GRM1: variants seen among roughly 807,000 people sequenced by gnomAD.
GRM1 encodes metabotropic glutamate receptor 1.
GRM1 carries 33 observed loss-of-function variants against 90.9 expected under a neutral mutation model. The ratio of observed to expected loss-of-function variants is 0.36; its 90% CI spans 0.28 to 0.49. GRM1 has a LOEUF of 0.49. Ranked by LOEUF, GRM1 falls within the 20% of genes least tolerant of loss-of-function variation. The pLI is 0.99. For synonymous variants in GRM1, 700 were observed against 613.2 expected, an observed-to-expected ratio of 1.14 and a Z score of -2.09; for missense variants, 1,190 against 1,534.3, an observed-to-expected ratio of 0.78 and a Z score of 3.75.
At position 146,343,539 on chromosome 6, in the gene GRM1, A is replaced by C. The variant is rs150284195; in HGVS notation, c.1187-8711A>C. Among the ~76,000 whole-genome samples the C allele has an allele frequency of 1.1e-3, 167 of 152,070 alleles. 1 individual carries two copies. In the East Asian group the frequency reaches 0.03, roughly 28 times the overall value. ...TTTATACCCTGGATTATAATCCACT[A>C]TCATCCTTTTTATTTTGTTACTCAA... On this transcript the variant is annotated intron_variant, in intron 3 of 7. Transcript: ENST00000282753.
At chr6:146,362,230 G>C (rs894978127) in intron 5 of GRM1, among the ~76,000 whole-genome samples, 1 of 152,144 alleles carries the variant, frequency 6.6e-6, no homozygotes, top group Non-Finnish European at 1.5e-5. Flanking sequence ...CAGAATTCTG[G>C]AGATATTAGG....
intron 2 of GRM1, among the ~76,000 whole-genome samples, chr6:146,167,958 C>T (rs1777969982): frequency 6.6e-6 from 1 of 151,954 alleles, no homozygotes; most frequent in Non-Finnish European, 1.5e-5. Flanking sequence ...ATTTTACCTC[C>T]TCCAAGGTCA....
chr6:146,253,121 C>T (rs1489059386), intron 2 of GRM1, among the ~76,000 whole-genome samples: 2 of 151,962 alleles, frequency 1.3e-5, no homozygotes, highest in African/African-American at 4.8e-5. Context: ...TTATTTAAAT[C>T]GTGGAAAGTG....
intron 2 of GRM1, among the ~76,000 whole-genome samples, chr6:146,166,139 T>G (rs1039737088): frequency 1.3e-5 from 2 of 152,156 alleles, no homozygotes; most frequent in Admixed American, 1.3e-4. Context: ...CTTAACATGT[T>G]CTTGTAGCAC....
At chr6:146,116,019 T>A (rs1366958363) in intron 1 of GRM1, among the ~76,000 whole-genome samples, 1 of 152,172 alleles carries the variant, frequency 6.6e-6, no homozygotes. Flanking sequence ...GGCGCAATCT[T>A]GGCTCAATGC....
intron 7 of GRM1, among the ~76,000 whole-genome samples, chr6:146,412,265 G>T (rs534097879): frequency 6.6e-6 from 1 of 152,078 alleles, no homozygotes; most frequent in Non-Finnish European, 1.5e-5. Context: ...CTGACATATC[G>T]TTCTTTCAGG....
chr6:146,395,659 T>C (rs1007004407), intron 6 of GRM1, among the ~76,000 whole-genome samples: 3 of 152,162 alleles, frequency 2.0e-5, no homozygotes, highest in African/African-American at 7.2e-5. Context: ...TCATGAAGTT[T>C]AGGAAAATTA....
intron 3 of GRM1, among the ~76,000 whole-genome samples, chr6:146,326,427 T>G (rs973775663): frequency 6.6e-6 from 1 of 151,968 alleles, no homozygotes; most frequent in Admixed American, 6.6e-5. Flanking sequence ...CAACACACAC[T>G]GGGAACTTTT....
rs1475537501 is a variant in GRM1, at chr6:146,436,878, G to A, written c.*2082G>A. On this transcript the variant is annotated 3_prime_UTR_variant, in exon 8 of 8. Coordinates refer to ENST00000282753, the MANE Select transcript of GRM1 (RefSeq NM_001278064.2). Reference sequence around the variant, plus strand: ...AAATATCCATTGCATCATTTGTTCAGAATTTAACATCCATTCCAATGTTGG... The same window carrying A: ...AAATATCCATTGCATCATTTGTTCAAAATTTAACATCCATTCCAATGTTGG... 1 of 152,514 alleles carries A rather than the reference G, an allele frequency of 6.6e-6. No homozygotes were observed. Among genetic ancestry groups the A allele is most frequent in the Non-Finnish European group, 1.5e-5 (1 of 68,008 alleles). The allele number at this position is 152,514 out of a possible 1,614,324, so 9.4% of individuals were successfully genotyped here. A position where few individuals can be genotyped will look rare whatever the true frequency, so the allele number is the denominator to read the frequency against.
chr6:146,278,107 A>G (rs1017232284), intron 2 of GRM1, among the ~76,000 whole-genome samples: 3 of 152,144 alleles, frequency 2.0e-5, no homozygotes, highest in African/African-American at 7.2e-5. Context: ...TTGATTCATT[A>G]TTATAATATC....
At chr6:146,199,531 T>C (rs184821159) in intron 2 of GRM1, among the ~76,000 whole-genome samples, 330 of 152,340 alleles carry the variant, frequency 2.2e-3, no homozygotes, top group African/African-American at 7.6e-3. Flanking sequence ...GGCTAGCTAA[T>C]TCTTTCAGCT....
chr6:146,042,963 G>T (rs1791170886), intron 1 of GRM1, among the ~76,000 whole-genome samples: 1 of 151,948 alleles, frequency 6.6e-6, no homozygotes, highest in Non-Finnish European at 1.5e-5. Flanking sequence ...ATATTTAACA[G>T]TGTCATCTGG....
chr6:146,102,789 T>C, intron 1 of GRM1, among the ~76,000 whole-genome samples: 1 of 152,250 alleles, frequency 6.6e-6, no homozygotes. Context: ...CTTACTGATT[T>C]TTTTCAACAC....
At chr6:146,310,193 T>C (rs781300456) in intron 3 of GRM1, among the ~76,000 whole-genome samples, 1 of 152,232 alleles carries the variant, frequency 6.6e-6, no homozygotes, top group Non-Finnish European at 1.5e-5. Context: ...GGACTCTTAC[T>C]CCAATAGTTT....
chr6:146,322,153 C>T (rs1275002160), intron 3 of GRM1, among the ~76,000 whole-genome samples: 2 of 152,192 alleles, frequency 1.3e-5, no homozygotes, highest in African/African-American at 4.8e-5. Flanking sequence ...AACAGTCAGG[C>T]CCCTCTGCTG....
intron 3 of GRM1, among the ~76,000 whole-genome samples, chr6:146,306,673 C>T (rs1161881114): frequency 6.6e-6 from 1 of 151,836 alleles, no homozygotes. Context: ...TGCTGAAGGG[C>T]CCAAGGAGAA....
intron 1 of GRM1, among the ~76,000 whole-genome samples, chr6:146,134,178 T>C (rs1044589220): frequency 6.6e-6 from 1 of 152,234 alleles, no homozygotes; most frequent in African/African-American, 2.4e-5. Context: ...CTCTGGAGTC[T>C]CACTGCCTGG....
chr6:146,232,129 C>T (rs1335488145), intron 2 of GRM1, among the ~76,000 whole-genome samples: 1 of 152,010 alleles, frequency 6.6e-6, no homozygotes. Context: ...ATTGGATAAG[C>T]TTTGGCAGTT....
At chr6:146,279,337 T>G (rs2114849331) in intron 2 of GRM1, among the ~76,000 whole-genome samples, 1 of 152,234 alleles carries the variant, frequency 6.6e-6, no homozygotes, top group Admixed American at 6.5e-5. Context: ...TTCTATTACA[T>G]ACTCTCTTTT....
Sources: allele counts gnomAD v4.1 joint callset (sites outside exome capture counted in the v4.1 genomes callset), GRCh38; gene constraint gnomAD v4.1.1; transcripts MANE v1.5; gene names NCBI Gene and HGNC (gene_info 2026-07-23, HGNC 2026-07-21).